C8orf34: variants seen among roughly 807,000 people sequenced by gnomAD.
C8orf34 encodes the protein uncharacterized protein C8orf34.
A neutral mutation model predicts 68.3 loss-of-function variants in C8orf34; 65 were observed. The ratio of observed to expected loss-of-function variants is 0.95; its 90% CI spans 0.78 to 1.17. The LOEUF (loss-of-function observed/expected upper bound fraction) is 1.17, where lower values mean the gene tolerates loss of function less well. C8orf34 is among the 50% of genes most tolerant of loss of function. C8orf34 has a pLI of 0.00. For missense variants in C8orf34, 664 were observed against 655.4 expected (o/e 1.01, Z -0.14); for synonymous variants, 244 against 241.2 (o/e 1.01, Z -0.11).
intron 3 of C8orf34, among the ~76,000 whole-genome samples, chr8:68,467,784 T>C (rs188996366): frequency 1.3e-5 from 2 of 152,144 alleles, no homozygotes; most frequent in East Asian, 3.9e-4. Context: ...AAGTACTCTA[T>C]AGTTGGAATT....
intron 8 of C8orf34, 132 bp from the exon 9 acceptor site, chr8:68,708,862 G>A: frequency 1.4e-6 from 1 of 703,046 alleles, no homozygotes; most frequent in East Asian, 2.8e-5. Flanking sequence ...TAGTGAACTT[G>A]TATTTCTATT....
chr8:68,615,865 G>A (rs1367026041), intron 7 of C8orf34, among the ~76,000 whole-genome samples: 1 of 151,490 alleles, frequency 6.6e-6, no homozygotes, highest in Non-Finnish European at 1.5e-5. Flanking sequence ...AGAAGGAATG[G>A]TACCAGTTCC....
At chr8:68,683,138 T>C (rs1240461922) in intron 8 of C8orf34, among the ~76,000 whole-genome samples, 1 of 151,986 alleles carries the variant, frequency 6.6e-6, no homozygotes, top group Non-Finnish European at 1.5e-5. Context: ...CAGTGAGAAA[T>C]CTGGACCCCC....
intron 7 of C8orf34, among the ~76,000 whole-genome samples, chr8:68,577,644 G>T (rs932371509): frequency 7.9e-5 from 12 of 151,600 alleles, no homozygotes; most frequent in Non-Finnish European, 1.8e-4. Flanking sequence ...CCTTTGATTT[G>T]CAATTTCAAA....
At chr8:68,737,404 C>T (rs1000880461) in intron 10 of C8orf34, among the ~76,000 whole-genome samples, 1 of 152,004 alleles carries the variant, frequency 6.6e-6, no homozygotes, top group African/African-American at 2.4e-5. Context: ...ACTTCCTGAT[C>T]ATTCATTTTC....
chr8:68,743,099 T>G (rs1000635846), intron 10 of C8orf34, among the ~76,000 whole-genome samples: 40 of 152,208 alleles, frequency 2.6e-4, no homozygotes, highest in African/African-American at 8.9e-4. Context: ...TGAATTTAAG[T>G]CCAGCTCTCC....
intron 7 of C8orf34, among the ~76,000 whole-genome samples, chr8:68,569,091 T>C (rs1451729242): frequency 6.6e-6 from 1 of 152,198 alleles, no homozygotes; most frequent in Non-Finnish European, 1.5e-5. Flanking sequence ...ATAAATAACC[T>C]CCTGATTTAT....
At chr8:68,331,633 T>G in intron 1 of C8orf34, 1 of 459,710 alleles carries the variant, frequency 2.2e-6, no homozygotes, top group Non-Finnish European at 4.1e-6. Context: ...ACCTCTCAGC[T>G]ACATGTTCAG....
chr8:68,522,927 C>T (rs1195176022), intron 6 of C8orf34, among the ~76,000 whole-genome samples: 1 of 152,084 alleles, frequency 6.6e-6, no homozygotes, highest in Non-Finnish European at 1.5e-5. Flanking sequence ...TTAGCAGCAA[C>T]CAATAACTGT....
chr8:68,742,212 G>C (rs939176301), intron 10 of C8orf34, among the ~76,000 whole-genome samples: 4 of 151,972 alleles, frequency 2.6e-5, no homozygotes, highest in African/African-American at 9.7e-5. Context: ...TGCCTTATCC[G>C]GCCAGTCCCT....
At chr8:68,358,384 G>T (rs186989896) in intron 1 of C8orf34, among the ~76,000 whole-genome samples, 1 of 151,714 alleles carries the variant, frequency 6.6e-6, no homozygotes, top group Non-Finnish European at 1.5e-5. Context: ...TCCCCATTGT[G>T]TTGCCGGCTC....
chr8:68,529,884 T>C lies in C8orf34; in HGVS notation c.939-3099T>C, dbSNP rs181353882. 9.2e-5 allele frequency among the ~76,000 whole-genome samples: 14 copies of C among 152,162 alleles called. 1 individual carries two copies. Among genetic ancestry groups the C allele is most frequent in the African/African-American group, 3.4e-4 (14 of 41,550 alleles). On this transcript the variant is annotated intron_variant, in intron 6 of 13. Transcript: ENST00000518698. ...GCATAAAATATTTAATATCTAACCA[T>C]CCTATATATATATTTAGGTACATAG... is the stretch of plus-strand genomic sequence containing the variant.
chr8:68,779,590 C>G (rs1282653683), intron 11 of C8orf34, among the ~76,000 whole-genome samples: 1 of 152,034 alleles, frequency 6.6e-6, no homozygotes, highest in Non-Finnish European at 1.5e-5. Flanking sequence ...GGGATCAATT[C>G]TATGCAACAC....
intron 10 of C8orf34, among the ~76,000 whole-genome samples, chr8:68,773,933 A>C (rs1043434934): frequency 6.6e-6 from 1 of 152,188 alleles, no homozygotes; most frequent in African/African-American, 2.4e-5. Context: ...TCTTAGCAGA[A>C]GACTGCAAAT....
At chr8:68,414,965 C>A (rs1158459499) in intron 1 of C8orf34, among the ~76,000 whole-genome samples, 3 of 152,090 alleles carry the variant, frequency 2.0e-5, no homozygotes, top group Non-Finnish European at 2.9e-5. Flanking sequence ...TCCAGCTGGG[C>A]ACCTGATCAG....
At chr8:68,605,503 C>A (rs937339635) in intron 7 of C8orf34, among the ~76,000 whole-genome samples, 1 of 140,446 alleles carries the variant, frequency 7.1e-6, no homozygotes, top group Admixed American at 6.9e-5. Context: ...TATGGTGCAG[C>A]CATGAAACTG....
intron 12 of C8orf34, among the ~76,000 whole-genome samples, chr8:68,814,587 G>A (rs1401460064): frequency 6.6e-6 from 1 of 152,040 alleles, no homozygotes; most frequent in Non-Finnish European, 1.5e-5. Context: ...ACCGAAAAAT[G>A]TTAAATACCC....
At chr8:68,767,779 A>G (rs903495117) in intron 10 of C8orf34, among the ~76,000 whole-genome samples, 1 of 152,200 alleles carries the variant, frequency 6.6e-6, no homozygotes, top group African/African-American at 2.4e-5. Flanking sequence ...AGCTGGGACT[A>G]CAGGTATGTG....
At chr8:68,666,904 T>A (rs1358765549) in intron 8 of C8orf34, among the ~76,000 whole-genome samples, 2 of 152,212 alleles carry the variant, frequency 1.3e-5, no homozygotes, top group Non-Finnish European at 2.9e-5. Flanking sequence ...TTTCTTATCA[T>A]CTTGCATATA....
Sources: gnomAD v4.1 joint callset for allele counts (sites outside exome capture counted in the v4.1 genomes callset) on GRCh38, gnomAD v4.1.1 for gene constraint, MANE v1.5 for transcripts, NCBI Gene and HGNC (gene_info 2026-07-23, HGNC 2026-07-21) for gene names.